The following RARB variants were observed in gnomAD, a reference collection of about 807,000 sequenced individuals.
The protein encoded by RARB is retinoic acid receptor beta, also known as HBV-activated protein.
In RARB, 17 loss-of-function variants were observed where a neutral mutation model predicts 51.9. The ratio of observed to expected loss-of-function variants is 0.33; its 90% CI spans 0.22 to 0.49. The LOEUF (loss-of-function observed/expected upper bound fraction) is 0.49, where lower values mean the gene tolerates loss of function less well. Among genes scored for constraint, RARB ranks in the 20% least tolerant of loss-of-function variants. The pLI is 0.99. For missense variants in RARB, 369 were observed against 550.8 expected, an observed-to-expected ratio of 0.67 and a Z score of 3.30; for synonymous variants, 215 against 195.4, an observed-to-expected ratio of 1.10 and a Z score of -0.84.
chr3:25,127,879 G>A (rs141226841), intron 3 of RARB, among the ~76,000 whole-genome samples: 1,634 of 151,862 alleles, frequency 0.011, 24 homozygotes, highest in African/African-American at 0.033. Flanking sequence ...CTTCTGTGTT[G>A]AGTTTTAGTA....
At chr3:25,154,290 G>A (rs950380913) in intron 4 of RARB, among the ~76,000 whole-genome samples, 2 of 152,110 alleles carry the variant, frequency 1.3e-5, no homozygotes, top group East Asian at 1.9e-4. Flanking sequence ...TGCTCCATCC[G>A]AGTTCCTTAG....
At chr3:25,206,426 A>C (rs936579679) in intron 5 of RARB, among the ~76,000 whole-genome samples, 4 of 152,194 alleles carry the variant, frequency 2.6e-5, no homozygotes, top group Non-Finnish European at 4.4e-5. Flanking sequence ...ACTGCTTTAC[A>C]CTGAGGATTT....
chr3:25,176,870 T>C (rs1270549381), intron 5 of RARB, among the ~76,000 whole-genome samples: 2 of 152,204 alleles, frequency 1.3e-5, no homozygotes, highest in African/African-American at 4.8e-5. Flanking sequence ...GCAGTTGTCA[T>C]TTTCTAGATC....
intron 4 of RARB, among the ~76,000 whole-genome samples, chr3:25,172,500 G>C (rs542797881): frequency 1.1e-4 from 17 of 152,288 alleles, no homozygotes; most frequent in African/African-American, 4.1e-4. Context: ...TATTTGATTA[G>C]AACATTGTAG....
intron 1 of RARB, among the ~76,000 whole-genome samples, chr3:24,844,358 C>T (rs1486706093): frequency 6.6e-6 from 1 of 152,200 alleles, no homozygotes; most frequent in East Asian, 1.9e-4. Context: ...TGGTGATAGT[C>T]TTTCTTGCTC....
intron 3 of RARB, among the ~76,000 whole-genome samples, chr3:25,090,826 A>G (rs1477951038): frequency 2.0e-5 from 3 of 152,286 alleles, no homozygotes; most frequent in African/African-American, 4.8e-5. Context: ...GTGTATCACA[A>G]CAACCGTCTC....
At chr3:24,933,683 C>G (rs538075879) in intron 2 of RARB, among the ~76,000 whole-genome samples, 1 of 152,190 alleles carries the variant, frequency 6.6e-6, no homozygotes, top group East Asian at 1.9e-4. Flanking sequence ...GGCCAGCAAC[C>G]TTATTCTTCA....
intron 5 of RARB, among the ~76,000 whole-genome samples, chr3:25,257,365 AC>A (rs1230121666): frequency 6.6e-6 from 1 of 152,080 alleles, no homozygotes; most frequent in Non-Finnish European, 1.5e-5. Flanking sequence ...GCAGAAAAAC[AC>A]GTATGAACAG....
chr3:24,951,423 C>T (rs1376683876), intron 2 of RARB, among the ~76,000 whole-genome samples: 5 of 152,132 alleles, frequency 3.3e-5, no homozygotes, highest in Admixed American at 6.5e-5. Flanking sequence ...CTTAGGGCAT[C>T]GGACACTCCA....
rs137930784 is a variant in RARB at position 25,570,995 on chromosome 3, A to G, written c.609+1077A>G. 1.9e-4 allele frequency among the ~76,000 whole-genome samples: 29 copies of G among 151,670 alleles called. No homozygotes were observed. The East Asian group carries it at 5.2e-3, about 27-fold the overall frequency. ...GGCTTTGGAGCAGTTCTTGGTGAGC[A>G]TGGGGTGTAGTGCGCTAGGATGTTG... is the stretch of plus-strand genomic sequence containing the variant. On this transcript the variant is annotated intron_variant, in intron 4 of 7. Transcript: ENST00000330688.
intron 4 of RARB, among the ~76,000 whole-genome samples, chr3:25,576,855 C>T (rs997862011): frequency 2.6e-5 from 4 of 152,190 alleles, no homozygotes; most frequent in African/African-American, 4.8e-5. Flanking sequence ...ATGCTGCAGG[C>T]GTGTTGGGGG....
chr3:25,354,559 C>T (rs948810541), intron 5 of RARB, among the ~76,000 whole-genome samples: 2 of 152,058 alleles, frequency 1.3e-5, no homozygotes, highest in African/African-American at 2.4e-5. Context: ...ACAAGCAAAC[C>T]GAGTTGTTAT....
At chr3:25,314,718 C>T (rs145107168) in intron 5 of RARB, among the ~76,000 whole-genome samples, 281 of 152,160 alleles carry the variant, frequency 1.8e-3, no homozygotes, top group African/African-American at 6.5e-3. Flanking sequence ...ATTTTAGACT[C>T]AGGTGGGTAC....
intron 2 of RARB, among the ~76,000 whole-genome samples, chr3:25,058,509 C>G (rs971548701): frequency 4.1e-4 from 61 of 150,092 alleles, no homozygotes; most frequent in African/African-American, 1.4e-3. Flanking sequence ...AATCCATGCC[C>G]TCATGAAGCT....
chr3:25,570,160 G>T (rs1255495009), intron 4 of RARB, among the ~76,000 whole-genome samples: 1 of 152,264 alleles, frequency 6.6e-6, no homozygotes, highest in African/African-American at 2.4e-5. Flanking sequence ...ATGCACACAT[G>T]CATTCACTCT....
intron 4 of RARB, among the ~76,000 whole-genome samples, chr3:25,152,207 T>C (rs1316439072): frequency 6.6e-6 from 1 of 152,208 alleles, no homozygotes; most frequent in Non-Finnish European, 1.5e-5. Flanking sequence ...TCTCTAGACA[T>C]GTGGATGTCG....
At chr3:25,279,952 T>A (rs1703481921) in intron 5 of RARB, among the ~76,000 whole-genome samples, 1 of 151,874 alleles carries the variant, frequency 6.6e-6, no homozygotes, top group South Asian at 2.1e-4. Flanking sequence ...AGAGGTGGAG[T>A]TGTAGGGGAG....
chr3:25,444,139 G>A (rs1373988839), intron 1 of RARB, among the ~76,000 whole-genome samples: 1 of 152,110 alleles, frequency 6.6e-6, no homozygotes, highest in African/African-American at 2.4e-5. Context: ...CTAGTCCTCA[G>A]AGCAGCCTGA....
At chr3:25,186,760 A>C (rs1187541540) in intron 5 of RARB, among the ~76,000 whole-genome samples, 1 of 152,124 alleles carries the variant, frequency 6.6e-6, no homozygotes, top group Non-Finnish European at 1.5e-5. Context: ...CCATCTCTAG[A>C]TTCATGACTG....
Sources: allele counts gnomAD v4.1 joint callset (sites outside exome capture counted in the v4.1 genomes callset), GRCh38; gene constraint gnomAD v4.1.1; transcripts MANE v1.5; gene names NCBI Gene and HGNC (gene_info 2026-07-23, HGNC 2026-07-21).